GRID1: variants seen among roughly 807,000 people sequenced by gnomAD.
GRID1 encodes glutamate receptor ionotropic, delta-1.
GRID1 carries 28 observed loss-of-function variants against 98.0 expected under a neutral mutation model. That is an observed-to-expected ratio of 0.29 (90% CI 0.21 to 0.39). The LOEUF (loss-of-function observed/expected upper bound fraction) is 0.39, where lower values mean the gene tolerates loss of function less well. GRID1 is among the 10% of genes least tolerant of loss of function. GRID1 has a pLI of 1.00. For missense variants in GRID1, 1,111 were observed against 1,340.5 expected (o/e 0.83, Z 2.67); for synonymous variants, 553 against 538.5 (o/e 1.03, Z -0.37).
intron 4 of GRID1, among the ~76,000 whole-genome samples, chr10:86,006,533 G>A (rs533789490): frequency 1.0e-3 from 154 of 152,128 alleles, no homozygotes; most frequent in African/African-American, 3.4e-3. Flanking sequence ...TGGGAGAATC[G>A]CTTGAACCCG....
intron 5 of GRID1, among the ~76,000 whole-genome samples, chr10:85,901,414 TTG>T (rs1347448519): frequency 6.6e-6 from 1 of 151,738 alleles, no homozygotes; most frequent in Non-Finnish European, 1.5e-5. Flanking sequence ...GCCCGGCTAA[TTG>T]TTTTTGTATT....
chr10:85,683,352 C>T (rs768425571), intron 12 of GRID1, among the ~76,000 whole-genome samples: 12 of 152,126 alleles, frequency 7.9e-5, no homozygotes, highest in South Asian at 2.1e-4. Context: ...AAACAATTGA[C>T]GAGATCTCTA....
chr10:86,143,155 G>T (rs528129977), intron 3 of GRID1, among the ~76,000 whole-genome samples: 18 of 152,266 alleles, frequency 1.2e-4, no homozygotes, highest in African/African-American at 4.3e-4. Context: ...GCAGCCCCTG[G>T]CTACCACTGC....
At position 85,601,339 on chromosome 10, in the gene GRID1, G is replaced by A. The variant is rs532757100; in HGVS notation, c.*934C>T. The A allele has an allele frequency of 1.3e-5, 2 of 152,372 alleles. No homozygotes were observed. Among genetic ancestry groups the A allele is most frequent in the East Asian group, 3.9e-4 (2 of 5,158 alleles). 9.4% of individuals were successfully genotyped at this position (152,372 alleles called of 1,614,324 possible). On this transcript the variant is annotated 3_prime_UTR_variant, in exon 16 of 16. Coordinates refer to ENST00000327946, the MANE Select transcript of GRID1 (RefSeq NM_017551.3). ...ATATTCTTCCTCTACCTGGCCTTTT[G>A]TTCCACCACCTCACCTGGTCCATGC...
At chr10:86,044,547 C>T (rs112112034) in intron 4 of GRID1, among the ~76,000 whole-genome samples, 2 of 152,276 alleles carry the variant, frequency 1.3e-5, no homozygotes, top group Admixed American at 6.5e-5. Flanking sequence ...TTATAGCCCA[C>T]CTGGTTTTCC....
intron 2 of GRID1, among the ~76,000 whole-genome samples, chr10:86,276,261 A>G (rs992843390): frequency 7.2e-5 from 11 of 152,144 alleles, no homozygotes; most frequent in South Asian, 4.1e-4. Context: ...TCTTCTCCCT[A>G]TGTCTCTTCA....
chr10:85,987,053 G>A (rs1443196143), intron 4 of GRID1, among the ~76,000 whole-genome samples: 1 of 152,022 alleles, frequency 6.6e-6, no homozygotes, highest in East Asian at 1.9e-4. Flanking sequence ...CCCCATCTAG[G>A]ACCAGACTGA....
intron 3 of GRID1, among the ~76,000 whole-genome samples, chr10:86,180,789 A>T (rs943974036): frequency 2.6e-5 from 4 of 152,108 alleles, no homozygotes; most frequent in African/African-American, 7.2e-5. Flanking sequence ...TGGGCTGTGA[A>T]CATCCTCAGA....
intron 2 of GRID1, among the ~76,000 whole-genome samples, chr10:86,325,629 A>G (rs1384766887): frequency 6.6e-6 from 1 of 152,244 alleles, no homozygotes; most frequent in Non-Finnish European, 1.5e-5. Context: ...CACTTAAAAC[A>G]TTCTTTTTTA....
intron 3 of GRID1, among the ~76,000 whole-genome samples, chr10:86,199,176 T>C (rs1188367550): frequency 6.6e-6 from 1 of 152,120 alleles, no homozygotes; most frequent in African/African-American, 2.4e-5. Flanking sequence ...GGAGTGACCA[T>C]GTGTGTCCAC....
At position 86,287,246 on chromosome 10, in the gene GRID1, C is replaced by T. The variant is rs187944009; in HGVS notation, c.235+76695G>A. Among the ~76,000 whole-genome samples the T allele has an allele frequency of 2.6e-5, 4 of 152,256 alleles. No individual in the cohort carries two copies. In the East Asian group the frequency reaches 7.7e-4, roughly 29 times the overall value. ...TCATATGAGAAGCCTGAACTGCAGTCCCCAAATTCCCCCCTGTATCCCTGA... is the reference window on the plus strand; with the variant it reads ...TCATATGAGAAGCCTGAACTGCAGTTCCCAAATTCCCCCCTGTATCCCTGA... On this transcript the variant is annotated intron_variant, in intron 2 of 15. Coordinates refer to ENST00000327946, the MANE Select transcript of GRID1 (RefSeq NM_017551.3).
chr10:85,749,800 A>G (rs1307765222), intron 8 of GRID1, among the ~76,000 whole-genome samples: 1 of 152,156 alleles, frequency 6.6e-6, no homozygotes, highest in Non-Finnish European at 1.5e-5. Context: ...AACTACTCTT[A>G]ATAGACTTCT....
chr10:86,278,236 A>G (rs887396948), intron 2 of GRID1, among the ~76,000 whole-genome samples: 1 of 152,134 alleles, frequency 6.6e-6, no homozygotes, highest in Non-Finnish European at 1.5e-5. Flanking sequence ...AATCATAATC[A>G]AAAAAGAAGT....
chr10:86,185,593 T>C (rs1418584278), intron 3 of GRID1, among the ~76,000 whole-genome samples: 2 of 152,176 alleles, frequency 1.3e-5, no homozygotes, highest in Non-Finnish European at 2.9e-5. Context: ...AGTATGATGT[T>C]CCTCATGGAT....
chr10:85,666,592 T>C (rs1841021364), intron 12 of GRID1, among the ~76,000 whole-genome samples: 1 of 152,220 alleles, frequency 6.6e-6, no homozygotes, highest in Non-Finnish European at 1.5e-5. Flanking sequence ...GTGCTCATTT[T>C]ACACTTTTAT....
chr10:85,655,867 T>C (rs1840889607), intron 12 of GRID1, among the ~76,000 whole-genome samples: 1 of 152,200 alleles, frequency 6.6e-6, no homozygotes, highest in African/African-American at 2.4e-5. Flanking sequence ...CAGACATTCT[T>C]GCCTTCTCAA....
chr10:85,949,040 T>C (rs1203819281), intron 4 of GRID1, among the ~76,000 whole-genome samples: 1 of 151,986 alleles, frequency 6.6e-6, no homozygotes, highest in Non-Finnish European at 1.5e-5. Flanking sequence ...ATGCTTAAAT[T>C]TGGGTGGAGA....
intron 4 of GRID1, among the ~76,000 whole-genome samples, chr10:86,078,736 A>G (rs781128396): frequency 6.6e-6 from 1 of 152,184 alleles, no homozygotes; most frequent in African/African-American, 2.4e-5. Flanking sequence ...GGCTCGGGAG[A>G]GGCAGGAAGG....
At position 85,627,408 on chromosome 10, in the gene GRID1, T is replaced by C. The variant is rs929339121; in HGVS notation, c.2194-7375A>G. On this transcript the variant is annotated intron_variant, in intron 13 of 15. Coordinates refer to ENST00000327946, the MANE Select transcript of GRID1 (RefSeq NM_017551.3). ...GCTAAATAAATAATAATCTATCTTA[T>C]ATTGTTTAGTGGAAAAAGAACCTGT... 1.3e-5 allele frequency among the ~76,000 whole-genome samples: 2 copies of C among 152,194 alleles called. 1 individual carries two copies. The highest frequency in any genetic ancestry group is 4.1e-4 in the South Asian group (2 of 4,828).
Sources: allele counts gnomAD v4.1 joint callset (sites outside exome capture counted in the v4.1 genomes callset), GRCh38; gene constraint gnomAD v4.1.1; transcripts MANE v1.5; gene names NCBI Gene and HGNC (gene_info 2026-07-23, HGNC 2026-07-21).